The following ASIC2 variants were observed in gnomAD, a reference collection of about 807,000 sequenced individuals.
ASIC2 encodes acid sensing ion channel subunit 2.
Under a neutral mutation model 57.3 loss-of-function variants are expected in ASIC2, and 25 were observed. That is an observed-to-expected ratio of 0.44 (90% CI 0.32 to 0.61). The LOEUF (loss-of-function observed/expected upper bound fraction) is 0.61, where lower values mean the gene tolerates loss of function less well. Among genes scored for constraint, ASIC2 ranks in the 20% least tolerant of loss-of-function variants. The probability of loss-of-function intolerance (pLI) is 0.06; values close to 1 mark genes in which losing one functional copy is unlikely to be tolerated. For missense variants in ASIC2, 641 were observed against 738.1 expected (o/e 0.87, Z 1.52); for synonymous variants, 319 against 307.5 (o/e 1.04, Z -0.39).
intron 1 of ASIC2, among the ~76,000 whole-genome samples, chr17:34,007,932 C>A (rs930820198): frequency 2.6e-5 from 4 of 152,172 alleles, no homozygotes; most frequent in African/African-American, 9.7e-5. Context: ...AAGGCTCCCC[C>A]ACCCCCTCCA....
At chr17:34,103,683 G>A (rs1022082727) in intron 1 of ASIC2, among the ~76,000 whole-genome samples, 2 of 151,854 alleles carry the variant, frequency 1.3e-5, no homozygotes, top group Non-Finnish European at 2.9e-5. Context: ...CAGATATCCT[G>A]TTGTTTCAGC....
chr17:33,254,529 T>A (rs1908991480), intron 1 of ASIC2, among the ~76,000 whole-genome samples: 1 of 152,002 alleles, frequency 6.6e-6, no homozygotes, highest in African/African-American at 2.4e-5. Context: ...AGCTTCCTCT[T>A]ACCCCCAGGT....
At chr17:33,147,337 T>C (rs1904602549) in intron 1 of ASIC2, among the ~76,000 whole-genome samples, 1 of 152,210 alleles carries the variant, frequency 6.6e-6, no homozygotes, top group Non-Finnish European at 1.5e-5. Flanking sequence ...GATCCAAATA[T>C]CCTGATAGCC....
chr17:33,390,554 A>G (rs139613365), intron 1 of ASIC2, among the ~76,000 whole-genome samples: 125 of 152,304 alleles, frequency 8.2e-4, no homozygotes, highest in African/African-American at 2.9e-3. Flanking sequence ...CTCTGCCTCA[A>G]GGTCTCTCAC....
At chr17:33,803,918 A>G (rs1047587075) in intron 1 of ASIC2, among the ~76,000 whole-genome samples, 11 of 152,136 alleles carry the variant, frequency 7.2e-5, no homozygotes, top group African/African-American at 2.7e-4. Flanking sequence ...AGGTAGCTCA[A>G]TTGTGTGATT....
chr17:33,153,565 G>A (rs1904882390), intron 1 of ASIC2, among the ~76,000 whole-genome samples: 1 of 152,154 alleles, frequency 6.6e-6, no homozygotes, highest in African/African-American at 2.4e-5. Context: ...AGTAATGGTG[G>A]GCTTTCGTCT....
intron 3 of ASIC2, among the ~76,000 whole-genome samples, chr17:33,043,563 C>T (rs534495122): frequency 6.6e-6 from 1 of 152,332 alleles, no homozygotes; most frequent in African/African-American, 2.4e-5. Context: ...CTTATCTAAA[C>T]ACTGCCATTT....
intron 1 of ASIC2, among the ~76,000 whole-genome samples, chr17:33,349,312 T>G (rs767234475): frequency 6.6e-6 from 1 of 152,236 alleles, no homozygotes; most frequent in Non-Finnish European, 1.5e-5. Flanking sequence ...AGGGTTGAAT[T>G]CTGCTTATAA....
chr17:33,633,830 A>G (rs1906256486), intron 1 of ASIC2, among the ~76,000 whole-genome samples: 3 of 152,184 alleles, frequency 2.0e-5, no homozygotes, highest in Admixed American at 1.3e-4. Flanking sequence ...TACGAAAGGC[A>G]TGTTTTACTG....
intron 1 of ASIC2, among the ~76,000 whole-genome samples, chr17:33,228,465 A>T (rs1485691871): frequency 6.6e-6 from 1 of 152,240 alleles, no homozygotes; most frequent in Non-Finnish European, 1.5e-5. Context: ...CATCTGCACG[A>T]GGGTGTGTCA....
chr17:33,410,327 T>C (rs541790331), intron 1 of ASIC2, among the ~76,000 whole-genome samples: 4 of 152,290 alleles, frequency 2.6e-5, no homozygotes, highest in Admixed American at 6.5e-5. Context: ...TAGTAGACTC[T>C]CATCTAGATG....
At chr17:33,988,462 G>A (rs935599934) in intron 1 of ASIC2, among the ~76,000 whole-genome samples, 1 of 152,104 alleles carries the variant, frequency 6.6e-6, no homozygotes, top group South Asian at 2.1e-4. Context: ...CTTGCCTTCC[G>A]CCATGATTGT....
chr17:33,958,961 C>A lies in ASIC2; in HGVS notation c.555+197017G>T, dbSNP rs147798078. On this transcript the variant is annotated intron_variant, in intron 1 of 9. Transcript: ENST00000359872. ...CATCTCTCTCAAGTTTAAAATTCCA[C>A]AGATCTCTAGGGCAGGGACAAAATG... 5.4e-3 allele frequency among the ~76,000 whole-genome samples: 825 copies of A among 152,268 alleles called. 22 individuals carry two copies. In the South Asian group the frequency reaches 0.064, roughly 12 times the overall value.
chr17:34,048,242 G>A (rs932766110), intron 1 of ASIC2, among the ~76,000 whole-genome samples: 1 of 152,092 alleles, frequency 6.6e-6, no homozygotes, highest in African/African-American at 2.4e-5. Flanking sequence ...ATGACTTTGA[G>A]ACCCCTTGCC....
intron 1 of ASIC2, among the ~76,000 whole-genome samples, chr17:33,549,459 C>A (rs556838553): frequency 2.5e-4 from 38 of 152,144 alleles, no homozygotes; most frequent in Non-Finnish European, 4.9e-4. Context: ...AAGCTATAAT[C>A]ATGGGGTCAT....
At chr17:34,047,318 C>A (rs879154838) in intron 1 of ASIC2, among the ~76,000 whole-genome samples, 1 of 151,964 alleles carries the variant, frequency 6.6e-6, no homozygotes, top group African/African-American at 2.4e-5. Flanking sequence ...ATCATCTCAA[C>A]CTTCATGAAG....
At chr17:33,199,130 T>C (rs971142809) in intron 1 of ASIC2, among the ~76,000 whole-genome samples, 3 of 152,372 alleles carry the variant, frequency 2.0e-5, no homozygotes, top group Middle Eastern at 3.4e-3. Flanking sequence ...AGACCATTCC[T>C]GCACTGTGGG....
intron 1 of ASIC2, among the ~76,000 whole-genome samples, chr17:33,401,960 G>C (rs1910301016): frequency 6.6e-6 from 1 of 152,178 alleles, no homozygotes; most frequent in African/African-American, 2.4e-5. Flanking sequence ...CCAGAAGATT[G>C]TGAAAGAATT....
intron 1 of ASIC2, among the ~76,000 whole-genome samples, chr17:33,926,349 CT>C (rs569492508): frequency 2.3e-4 from 35 of 151,538 alleles, no homozygotes; most frequent in East Asian, 5.8e-4. Context: ...GAATTTTGAA[CT>C]TTTTTTTTGG....
Sources: allele counts gnomAD v4.1 joint callset (sites outside exome capture counted in the v4.1 genomes callset), GRCh38; gene constraint gnomAD v4.1.1; transcripts MANE v1.5; gene names NCBI Gene and HGNC (gene_info 2026-07-23, HGNC 2026-07-21).